The following WDR62 variants were observed in gnomAD, a reference collection of about 807,000 sequenced individuals.
WDR62 encodes the protein WD repeat domain 62, also known as WD repeat-containing protein 62.
WDR62 carries 112 observed loss-of-function variants against 160.6 expected under a neutral mutation model. That is an observed-to-expected ratio of 0.70 (90% CI 0.60 to 0.82). The LOEUF (loss-of-function observed/expected upper bound fraction) is 0.82. Among genes scored for constraint, WDR62 ranks in the 40% least tolerant of loss-of-function variants. The probability of loss-of-function intolerance (pLI) is 0.00; values close to 1 mark genes in which losing one functional copy is unlikely to be tolerated. For synonymous variants in WDR62, 792 were observed against 815.1 expected, an observed-to-expected ratio of 0.97 and a Z score of 0.48; for missense variants, 1,819 against 1,983.8, an observed-to-expected ratio of 0.92 and a Z score of 1.58.
In WDR62 at chr19:36,092,693, G is replaced by A. The variant is rs377483683; in HGVS notation, c.2215G>A (p.Val739Met). The change falls in exon 19 of 32, where the codon GTG (valine) becomes ATG (methionine). Residue 739 changes from valine to methionine, a missense_variant. This residue lies in a region of WDR62 where 934 missense variants were observed against 1,157.2 expected (regional missense o/e 0.81). Coordinates refer to ENST00000401500, the MANE Select transcript of WDR62 (RefSeq NM_001083961.2). ...HLITVSGDSC[V>M]FIWHLGPEIT... ...GTCTCTCTTTGACCTCCGCAGCTGC[G>A]TGTTCATCTGGCACCTGGGCCCGGA... 34 of 1,614,018 alleles carry A rather than the reference G, an allele frequency of 2.1e-5. No homozygotes were observed. The highest frequency in any genetic ancestry group is 9.3e-5 in the African/African-American group (7 of 74,934).
chr19:36,096,998 C>T (rs1305621203), intron 20 of WDR62, 29 bp from the exon 21 acceptor site: 1 of 1,600,042 alleles, frequency 6.2e-7, no homozygotes, highest in Admixed American at 1.7e-5. Flanking sequence ...GTTGTTTGTC[C>T]TCTTTTCATG....
At chr19:36,082,180 A>G (rs1476632887) in intron 10 of WDR62, among the ~76,000 whole-genome samples, 1 of 152,190 alleles carries the variant, frequency 6.6e-6, no homozygotes, top group Non-Finnish European at 1.5e-5. Flanking sequence ...TGGCACACAC[A>G]ATCTAGTGAG....
Position 36,083,107 on chromosome 19 carries a change from G to T in WDR62, c.1416G>T (p.Leu472=), listed in dbSNP as rs763592590. The part of the protein sequence containing the change: ...VVYVENDIQH[L]QDMSHFPDRG... ...ACGTGGAGAATGACATCCAGCACCTGCAGGACATGTCACACTTCCCAGACC... is the reference window on the plus strand; with the variant it reads ...ACGTGGAGAATGACATCCAGCACCTTCAGGACATGTCACACTTCCCAGACC... Residue 472 remains leucine (L), a synonymous_variant, in exon 11 of 32, where the codon CTG becomes CTT. Transcript: ENST00000401500. 7 of 1,613,652 alleles carry T rather than the reference G, an allele frequency of 4.3e-6. No homozygotes were observed. The South Asian group carries it at 7.7e-5, about 18-fold the overall frequency.
chr19:36,091,572 G>A (rs986314408), intron 18 of WDR62, 107 bp downstream of exon 18: 1 of 1,113,452 alleles, frequency 9.0e-7, no homozygotes, highest in South Asian at 1.3e-5. Flanking sequence ...GATTGTGGGA[G>A]TCTTGGTGTC....
At chr19:36,085,413 CCTT>C (rs1183642150) in intron 12 of WDR62, among the ~76,000 whole-genome samples, 21 of 47,216 alleles carry the variant, frequency 4.4e-4, no homozygotes, top group Non-Finnish European at 9.0e-4. Flanking sequence ...CCACACCTGA[CCTT>C]TTTTTTTTTT....
chr19:36,064,671 G>A (rs1241468325), intron 3 of WDR62, among the ~76,000 whole-genome samples: 1 of 151,944 alleles, frequency 6.6e-6, no homozygotes, highest in African/African-American at 2.4e-5. Flanking sequence ...TCTGCCTCCC[G>A]GGTTCAAGCA....
intron 11 of WDR62, 108 bp downstream of exon 11, chr19:36,083,349 A>C: frequency 8.8e-7 from 1 of 1,137,724 alleles, no homozygotes; most frequent in Non-Finnish European, 1.3e-6. Flanking sequence ...CCCATTGGGA[A>C]TGAGGGGCTG....
rs1375203130 is a variant in WDR62, at chr19:36,083,078, G to A, written c.1387G>A (p.Val463Met). The A allele has an allele frequency of 1.1e-5, 18 of 1,612,472 alleles. No homozygotes were observed. Among genetic ancestry groups the A allele is most frequent in the South Asian group, 3.3e-5 (3 of 90,570 alleles). Reference sequence around the variant, plus strand: ...CTTCCTGCAGACCCTGCTGAAGGTCGTGTACGTGGAGAATGACATCCAGCA... The same window carrying A: ...CTTCCTGCAGACCCTGCTGAAGGTCATGTACGTGGAGAATGACATCCAGCA... ...NIFSNTLLKV[V>M]YVENDIQHLQ... Residue 463 changes from valine to methionine, a missense_variant, in exon 11 of 32, where the codon GTG (valine) becomes ATG (methionine). Physicochemically the swap from Val to Met is conservative, Grantham distance 21. This residue lies in a region of WDR62 where 934 missense variants were observed against 1,157.2 expected (regional missense o/e 0.81). Transcript: ENST00000401500.
At position 36,100,749 on chromosome 19, in the gene WDR62, CAG is replaced by C. The variant is rs764201220; in HGVS notation, c.2746_2747del (p.Gln918GlyfsTer18). Reference sequence around the variant, plus strand: ...ATGGCTGTGCTGTCTTCCCCATAGTCAGAGAGTCCCCAGGAAGCTGGCCGCGG... The same window carrying C: ...ATGGCTGTGCTGTCTTCCCCATAGTCAGAGTCCCCAGGAAGCTGGCCGCGG... On this transcript the variant is annotated frameshift_variant and splice_region_variant, in exon 23 of 32. Coordinates refer to ENST00000401500, the MANE Select transcript of WDR62 (RefSeq NM_001083961.2). LOFTEE classifies it high-confidence loss of function. The C allele has an allele frequency of 6.8e-6, 11 of 1,613,888 alleles. No homozygotes were observed. Among genetic ancestry groups the C allele is most frequent in the African/African-American group, 1.3e-5 (1 of 74,926 alleles).
intron 12 of WDR62, among the ~76,000 whole-genome samples, chr19:36,085,644 T>C (rs751980376): frequency 1.3e-5 from 2 of 151,942 alleles, no homozygotes; most frequent in Non-Finnish European, 1.5e-5. Context: ...GGTTTCACCA[T>C]GTTAGCCTAG....
chr19:36,090,566 C>T, intron 16 of WDR62, 46 bp downstream of exon 16: 1 of 1,565,230 alleles, frequency 6.4e-7, no homozygotes, highest in South Asian at 1.1e-5. Flanking sequence ...TGATGGGCCA[C>T]CTATTGTGAC....
In WDR62 at chr19:36,055,136, G is replaced by A. The variant is rs1164389551; in HGVS notation, c.165G>A (p.Thr55=). The A allele has an allele frequency of 6.2e-7, 1 of 1,608,256 alleles. No homozygotes were observed. Among genetic ancestry groups the A allele is most frequent in the Admixed American group, 1.7e-5 (1 of 59,670 alleles). Residue 55 remains threonine (T), a synonymous_variant, in exon 1 of 32, where the codon ACG becomes ACA. Transcript: ENST00000401500. ...GACTCTCGACGGCCTCCGAGGAGACGGTGCAGAACCGGGTGAGAAGCTGCT... is the reference window on the plus strand; with the variant it reads ...GACTCTCGACGGCCTCCGAGGAGACAGTGCAGAACCGGGTGAGAAGCTGCT... ...RTRLSTASEE[T]VQNRVSLEKV...
At chr19:36,058,548 G>C (rs1387902256) in intron 1 of WDR62, among the ~76,000 whole-genome samples, 1 of 152,200 alleles carries the variant, frequency 6.6e-6, no homozygotes, top group Non-Finnish European at 1.5e-5. Context: ...TAGAATGTGA[G>C]CCCCCCGAGG....
At chr19:36,076,856 TTATAC>T (rs1404128944) in intron 9 of WDR62, among the ~76,000 whole-genome samples, 2 of 152,168 alleles carry the variant, frequency 1.3e-5, no homozygotes, top group African/African-American at 4.8e-5. Context: ...TTTAAAATAG[TTATAC>T]TATATTTACA....
chr19:36,083,861 C>G (rs965078307), intron 11 of WDR62, among the ~76,000 whole-genome samples: 12 of 152,202 alleles, frequency 7.9e-5, no homozygotes, highest in Non-Finnish European at 1.3e-4. Context: ...TACAAGTTTT[C>G]AAACTTTCCT....
chr19:36,104,076 G>A, intron 30 of WDR62, 95 bp downstream of exon 30: 1 of 1,476,814 alleles, frequency 6.8e-7, no homozygotes. Flanking sequence ...TGGCCACAGG[G>A]ACTGTGCCAT....
chr19:36,096,333 G>A (rs1054777434), intron 20 of WDR62, among the ~76,000 whole-genome samples: 1 of 152,122 alleles, frequency 6.6e-6, no homozygotes, highest in Non-Finnish European at 1.5e-5. Flanking sequence ...CAAACCCCTG[G>A]CCTGAAGTAT....
intron 10 of WDR62, among the ~76,000 whole-genome samples, chr19:36,082,388 C>A (rs1280874018): frequency 6.6e-6 from 1 of 152,092 alleles, no homozygotes; most frequent in Admixed American, 6.5e-5. Context: ...GGGAGAGGGT[C>A]TATACTTAGG....
chr19:36,098,606 G>A (rs1326446429), intron 21 of WDR62, among the ~76,000 whole-genome samples: 1 of 151,738 alleles, frequency 6.6e-6, no homozygotes, highest in Non-Finnish European at 1.5e-5. Context: ...ATAAGAGACA[G>A]AATAAGAGAG....
Sources: allele counts gnomAD v4.1 joint callset (sites outside exome capture counted in the v4.1 genomes callset), GRCh38; gene constraint gnomAD v4.1.1; regional missense constraint gnomAD v4.1.1; transcripts MANE v1.5; gene names NCBI Gene and HGNC (gene_info 2026-07-23, HGNC 2026-07-21).